Variants in MTCL1 observed in about 807,000 individuals in gnomAD.
MTCL1 encodes the protein microtubule crosslinking factor 1.
A neutral mutation model predicts 141.4 loss-of-function variants in MTCL1; 79 were observed. The observed-to-expected ratio is 0.56, with a 90% CI of 0.47 to 0.67. The LOEUF is 0.67. Among genes scored for constraint, MTCL1 ranks in the 30% least tolerant of loss-of-function variants. The pLI, the probability that MTCL1 is intolerant of heterozygous loss-of-function variation, is 0.00. For synonymous variants in MTCL1, 914 were observed against 875.8 expected (o/e 1.04, Z -0.77); for missense variants, 2,177 against 2,113.9 (o/e 1.03, Z -0.59).
chr18:8,825,420 G>T, exon 15 of MTCL1: 1 of 1,551,554 alleles, frequency 6.4e-7, no homozygotes, highest in Non-Finnish European at 8.7e-7. Flanking sequence ...CGAGCTGCAA[G>T]TCAAGGACAT....
intron 12 of MTCL1, 77 bp from the exon 12 acceptor site, chr18:8,818,886 G>T: frequency 7.0e-7 from 1 of 1,437,646 alleles, no homozygotes; most frequent in Admixed American, 2.2e-5. Context: ...ATTGCAAATT[G>T]TGGAGAAACG....
chr18:8,728,804 G>A (rs1269864728), intron 4 of MTCL1, among the ~76,000 whole-genome samples: 3 of 122,960 alleles, frequency 2.4e-5, no homozygotes, highest in African/African-American at 6.3e-5. Context: ...GATTGATCTC[G>A]GCTCGCTGCA....
At chr18:8,773,884 T>C (rs1319955568) in intron 4 of MTCL1, among the ~76,000 whole-genome samples, 1 of 152,248 alleles carries the variant, frequency 6.6e-6, no homozygotes, top group Non-Finnish European at 1.5e-5. Context: ...CTGTCTATCT[T>C]ATACCAGCAC....
chr18:8,784,250 C>A (rs2096542698), exon 6 of MTCL1: 2 of 1,606,776 alleles, frequency 1.2e-6, no homozygotes, highest in East Asian at 2.2e-5. Flanking sequence ...GCTGCGTGCC[C>A]CCAGTCCCCG....
exon 15 of MTCL1, chr18:8,826,094 G>C: frequency 1.2e-6 from 2 of 1,611,560 alleles, no homozygotes; most frequent in South Asian, 1.1e-5. Flanking sequence ...CGCTCACTGA[G>C]AACGTGGCCC....
chr18:8,734,891 G>A (rs73396423), intron 4 of MTCL1, among the ~76,000 whole-genome samples: 2,022 of 152,266 alleles, frequency 0.013, 56 homozygotes, highest in African/African-American at 0.046. Flanking sequence ...CAGCAGCAGT[G>A]TGCCTGCAGC....
chr18:8,716,127 A>T (rs1285116789), upstream of MTCL1, among the ~76,000 whole-genome samples: 1 of 152,264 alleles, frequency 6.6e-6, no homozygotes, highest in Non-Finnish European at 1.5e-5. Context: ...TTCTTAAGAC[A>T]CATTAGGACA....
intron 5 of MTCL1, 111 bp from the exon 5 acceptor site, chr18:8,783,419 C>A (rs966398254): frequency 1.4e-5 from 14 of 994,680 alleles, no homozygotes; most frequent in Admixed American, 2.7e-5. Flanking sequence ...ATGGGAAGAT[C>A]GGTGTTTGAT....
intron 4 of MTCL1, among the ~76,000 whole-genome samples, chr18:8,756,885 A>G (rs943294328): frequency 3.9e-5 from 6 of 152,168 alleles, no homozygotes; most frequent in African/African-American, 1.2e-4. Context: ...CTGGATTTCT[A>G]TCTCCTAGTG....
intron 8 of MTCL1, among the ~76,000 whole-genome samples, chr18:8,795,898 C>T (rs1011215962): frequency 4.6e-5 from 7 of 152,118 alleles, no homozygotes; most frequent in South Asian, 2.1e-4. Flanking sequence ...CTGCTTACAC[C>T]GGATTCAAGT....
chr18:8,828,846 T>A lies in MTCL1; in HGVS notation c.4723-62T>A. 1.2e-6 allele frequency: 2 copies of A among 1,612,892 alleles called. No homozygotes were observed. The highest frequency in any genetic ancestry group is 2.2e-5 in the South Asian group (2 of 90,920). The stretch of plus-strand genomic sequence containing the variant: ...TGACTTTAAACCTTTATTGTTCTCC[T>A]GTTTAAAAAACACTTTCCAACCTTC... On this transcript the variant is annotated intron_variant, in intron 15 of 16. Coordinates refer to ENST00000359865, the Ensembl canonical transcript of MTCL1. The surrounding 1 kb of genome is among the most constrained non-coding windows in gnomAD (Gnocchi z 5.2).
intron 12 of MTCL1, among the ~76,000 whole-genome samples, chr18:8,814,607 C>T (rs1185187228): frequency 6.6e-6 from 1 of 152,204 alleles, no homozygotes; most frequent in Non-Finnish European, 1.5e-5. Flanking sequence ...AAAATGGCCA[C>T]TAATTTATTA....
chr18:8,752,309 T>C (rs2096375736), intron 4 of MTCL1, among the ~76,000 whole-genome samples: 1 of 152,240 alleles, frequency 6.6e-6, no homozygotes, highest in Admixed American at 6.5e-5. Context: ...TACTGAGCAG[T>C]GGTTTTGAAA....
exon 1 of MTCL1, chr18:8,706,081 C>T (rs2096057643): frequency 8.3e-7 from 1 of 1,202,054 alleles, no homozygotes. Context: ...CGCGGAGCCG[C>T]TGTCCCGGGC....
intron 4 of MTCL1, among the ~76,000 whole-genome samples, chr18:8,769,897 C>T (rs2096477775): frequency 6.6e-6 from 1 of 152,254 alleles, no homozygotes. Flanking sequence ...TCTGCAGCCT[C>T]AGATCCTTTG....
rs564821094 is a variant in MTCL1 at position 8,746,847 on chromosome 18, C to T, written c.357+26351C>T. On this transcript the variant is annotated intron_variant, in intron 4 of 16. Transcript: ENST00000359865. ...CAGTCATGAATATATACCCGAGGACCGCGTGCACCTACAATAAATGCAAAA... is the reference window on the plus strand; with the variant it reads ...CAGTCATGAATATATACCCGAGGACTGCGTGCACCTACAATAAATGCAAAA... 2.6e-5 allele frequency among the ~76,000 whole-genome samples: 4 copies of T among 152,188 alleles called. No individual in the cohort carries two copies. In the South Asian group the frequency reaches 6.2e-4, roughly 24 times the overall value.
chr18:8,748,466 G>A (rs760025995), intron 4 of MTCL1, among the ~76,000 whole-genome samples: 29 of 152,018 alleles, frequency 1.9e-4, no homozygotes, highest in African/African-American at 5.3e-4. Context: ...TCGTTTGAGC[G>A]CGGGAGATCA....
intron 8 of MTCL1, among the ~76,000 whole-genome samples, chr18:8,793,569 G>A (rs993640607): frequency 2.0e-5 from 3 of 152,128 alleles, no homozygotes; most frequent in African/African-American, 7.2e-5. Context: ...TGTTACTCTC[G>A]AATAACCTGG....
At chr18:8,772,567 C>G (rs1247330291) in intron 4 of MTCL1, among the ~76,000 whole-genome samples, 1 of 150,628 alleles carries the variant, frequency 6.6e-6, no homozygotes, top group Non-Finnish European at 1.5e-5. Flanking sequence ...AGGCCACTTT[C>G]CTTATATGTA....
Sources: gnomAD v4.1 joint callset for allele counts (sites outside exome capture counted in the v4.1 genomes callset) on GRCh38, gnomAD v4.1.1 for gene constraint, Gnocchi (gnomAD v3.1) non-coding constraint, MANE v1.5 for transcripts, NCBI Gene and HGNC (gene_info 2026-07-23, HGNC 2026-07-21) for gene names.